ATXN1: variants seen among roughly 807,000 people sequenced by gnomAD.
The protein encoded by ATXN1 is ataxin-1.
Under a neutral mutation model 56.4 loss-of-function variants are expected in ATXN1, and 8 were observed. The ratio of observed to expected loss-of-function variants is 0.14; its 90% CI spans 0.08 to 0.26. The LOEUF (loss-of-function observed/expected upper bound fraction) is 0.26, where lower values mean the gene tolerates loss of function less well. ATXN1 is among the 10% of genes least tolerant of loss of function. ATXN1 has a pLI of 1.00. For synonymous variants in ATXN1, 514 were observed against 494.6 expected (o/e 1.04, Z -0.52); for missense variants, 987 against 1,106.5 (o/e 0.89, Z 1.53).
At chr6:16,405,921 T>TG (rs777562023) in intron 6 of ATXN1, among the ~76,000 whole-genome samples, 1 of 152,152 alleles carries the variant, frequency 6.6e-6, no homozygotes, top group Non-Finnish European at 1.5e-5. Flanking sequence ...CGCACTGCAG[T>TG]GCTCTTGGTG....
At chr6:16,436,354 G>A (rs1004304658) in intron 6 of ATXN1, among the ~76,000 whole-genome samples, 63 of 152,064 alleles carry the variant, frequency 4.1e-4, no homozygotes, top group Admixed American at 4.1e-3. Flanking sequence ...TGCTGACAAA[G>A]ACACCCCCAA....
At chr6:16,393,580 A>C (rs1758397839) in intron 6 of ATXN1, among the ~76,000 whole-genome samples, 1 of 152,186 alleles carries the variant, frequency 6.6e-6, no homozygotes, top group African/African-American at 2.4e-5. Context: ...TCTCTACATT[A>C]TTTGCCTACA....
Position 16,688,378 on chromosome 6 carries a change from T to C in ATXN1, c.-614-30477A>G, listed in dbSNP as rs1645764769. 2.0e-5 allele frequency among the ~76,000 whole-genome samples: 3 copies of C among 152,014 alleles called. No individual in the cohort carries two copies. The South Asian group carries it at 6.2e-4, about 32-fold the overall frequency. On this transcript the variant is annotated intron_variant, in intron 2 of 7. Transcript: ENST00000436367. ...AACAGCCCTGAAGTGACAGAAAAAA[T>C]GGAAGTAGGGTTCTAAGCTCAACTC...
In ATXN1 at chr6:16,420,858, G is replaced by T. The variant is rs564435727; in HGVS notation, c.-161+65114C>A. Among the ~76,000 whole-genome samples the T allele has an allele frequency of 3.3e-5, 5 of 152,268 alleles. No individual in the cohort carries two copies. In the South Asian group the frequency reaches 6.2e-4, roughly 19 times the overall value. On this transcript the variant is annotated intron_variant, in intron 6 of 7. Transcript: ENST00000436367. ...CTCTCTCTCTGTCTCTCTCTCTCGTGTGTATTTTAATTAAAGACTTAAACT... is the reference window on the plus strand; with the variant it reads ...CTCTCTCTCTGTCTCTCTCTCTCGTTTGTATTTTAATTAAAGACTTAAACT...
intron 2 of ATXN1, among the ~76,000 whole-genome samples, chr6:16,692,273 TA>T (rs35451965): frequency 0.099 from 15,025 of 152,284 alleles, 808 homozygotes; most frequent in Middle Eastern, 0.14. Context: ...TTTATATGAT[TA>T]ATCTATTTGT....
intron 6 of ATXN1, among the ~76,000 whole-genome samples, chr6:16,330,694 A>G (rs1760967116): frequency 6.6e-6 from 1 of 152,110 alleles, no homozygotes; most frequent in Non-Finnish European, 1.5e-5. Flanking sequence ...GGAAGGGGCA[A>G]TGATTTAATG....
chr6:16,445,184 T>C (rs2113604323), intron 6 of ATXN1, among the ~76,000 whole-genome samples: 2 of 152,228 alleles, frequency 1.3e-5, no homozygotes, highest in Middle Eastern at 3.4e-3. Context: ...ATTAGGAAAA[T>C]ATGAATACTG....
chr6:16,349,449 G>T (rs1761520303), intron 6 of ATXN1, among the ~76,000 whole-genome samples: 1 of 152,024 alleles, frequency 6.6e-6, no homozygotes, highest in African/African-American at 2.4e-5. Context: ...GTTGCAGTGA[G>T]CTGAGATCAT....
chr6:16,326,791 G>A lies in ATXN1; in HGVS notation c.1520C>T (p.Ala507Val). The change falls in exon 7 of 8, where the codon GCC becomes GTC. Residue 507 changes from alanine to valine, a missense_variant. Physicochemically the swap from Ala to Val is moderately conservative, Grantham distance 64. Around this residue, in one of 3 missense-constraint regions of ATXN1, gnomAD observed 723 missense variants for 791.7 expected, o/e 0.91. Coordinates refer to ENST00000436367, the MANE Select transcript of ATXN1 (RefSeq NM_001128164.2). This position sits in a 1 kb window ranked among gnomAD's most constrained non-coding sequence, Gnocchi z 6.6. ...AAACTGGGGGGATGACGTGACTATG[G>A]CCGGGGCTGCCCCCGACGCTTCCAT... The part of the protein sequence containing the change: ...TDMEASGAAP[A>V]IVTSSPQFAA... 6.2e-7 allele frequency: 1 copy of A among 1,610,704 alleles called. No homozygotes were observed. The highest frequency in any genetic ancestry group is 8.5e-7 in the Non-Finnish European group (1 of 1,177,696).
chr6:16,758,831 G>A (rs1216522291), intron 1 of ATXN1, among the ~76,000 whole-genome samples: 1 of 152,242 alleles, frequency 6.6e-6, no homozygotes, highest in Non-Finnish European at 1.5e-5. Flanking sequence ...TTGCGGAGCT[G>A]CTAAAATATT....
At chr6:16,645,227 A>T (rs921805015) in intron 3 of ATXN1, among the ~76,000 whole-genome samples, 9 of 152,222 alleles carry the variant, frequency 5.9e-5, no homozygotes. Flanking sequence ...CCCAAACTGC[A>T]TCTACTGTGA....
chr6:16,508,354 G>A, intron 5 of ATXN1, among the ~76,000 whole-genome samples: 1 of 152,230 alleles, frequency 6.6e-6, no homozygotes, highest in Admixed American at 6.5e-5. Context: ...AAATGTCTTT[G>A]AGATTAAATA....
chr6:16,441,586 C>A (rs1328726464), intron 6 of ATXN1, among the ~76,000 whole-genome samples: 4 of 150,696 alleles, frequency 2.7e-5, no homozygotes, highest in African/African-American at 9.8e-5. Flanking sequence ...GAAAATGAGG[C>A]AGTAAGAAGA....
chr6:16,406,297 T>G (rs751776079), intron 6 of ATXN1, among the ~76,000 whole-genome samples: 7 of 152,226 alleles, frequency 4.6e-5, no homozygotes, highest in Non-Finnish European at 7.3e-5. Context: ...AAATAATTTT[T>G]TCAAGAATCT....
intron 2 of ATXN1, among the ~76,000 whole-genome samples, chr6:16,728,410 C>T (rs1397481474): frequency 2.6e-5 from 4 of 152,166 alleles, no homozygotes; most frequent in Non-Finnish European, 1.5e-5. Flanking sequence ...GGAACCCTCA[C>T]AGCAAAGCAG....
At chr6:16,640,972 C>T (rs749398851) in intron 3 of ATXN1, among the ~76,000 whole-genome samples, 1 of 152,196 alleles carries the variant, frequency 6.6e-6, no homozygotes, top group African/African-American at 2.4e-5. Context: ...AGTGAAACAG[C>T]CTTGTTGCTG....
chr6:16,352,614 C>CG (rs1174098057), intron 6 of ATXN1, among the ~76,000 whole-genome samples: 1 of 152,036 alleles, frequency 6.6e-6, no homozygotes, highest in Non-Finnish European at 1.5e-5. Context: ...CAAGGCACAT[C>CG]GAGGGCTCCC....
At chr6:16,501,012 T>C (rs1027760451) in intron 5 of ATXN1, among the ~76,000 whole-genome samples, 1 of 152,238 alleles carries the variant, frequency 6.6e-6, no homozygotes, top group Non-Finnish European at 1.5e-5. Flanking sequence ...AAATGTATTA[T>C]TAATGATGGT....
chr6:16,457,221 G>A (rs1025489278), intron 6 of ATXN1, among the ~76,000 whole-genome samples: 2 of 152,046 alleles, frequency 1.3e-5, no homozygotes, highest in African/African-American at 4.8e-5. Flanking sequence ...AGGCAAGGGT[G>A]CAGGTTTTTG....
Sources: gnomAD v4.1 joint callset for allele counts (sites outside exome capture counted in the v4.1 genomes callset) on GRCh38, gnomAD v4.1.1 for gene constraint, gnomAD v4.1.1 regional missense constraint, Gnocchi (gnomAD v3.1) non-coding constraint, MANE v1.5 for transcripts, NCBI Gene and HGNC (gene_info 2026-07-23, HGNC 2026-07-21) for gene names.